The following CYP2C19 variants were observed in gnomAD, a reference collection of about 807,000 sequenced individuals.
The protein encoded by CYP2C19 is cytochrome P450 family 2 subfamily C member 19.
CYP2C19 carries 59 observed loss-of-function variants against 40.9 expected under a neutral mutation model. The ratio of observed to expected loss-of-function variants is 1.44; its 90% CI spans 1.17 to 1.79. The LOEUF (loss-of-function observed/expected upper bound fraction) is 1.79, where lower values mean the gene tolerates loss of function less well. Among genes scored for constraint, CYP2C19 ranks in the 40% most tolerant of loss-of-function variants. The pLI is 0.00. For synonymous variants in CYP2C19, 253 were observed against 208.7 expected, an observed-to-expected ratio of 1.21 and a Z score of -1.83; for missense variants, 754 against 596.9, an observed-to-expected ratio of 1.26 and a Z score of -2.74.
chr10:94,827,609 A>ACT (rs1849250496), intron 6 of CYP2C19, among the ~76,000 whole-genome samples: 1 of 152,164 alleles, frequency 6.6e-6, no homozygotes, highest in African/African-American at 2.4e-5. Flanking sequence ...CTTTCAAAAA[A>ACT]ACCAGCTCCT....
chr10:94,832,205 T>G (rs571540334), intron 6 of CYP2C19, among the ~76,000 whole-genome samples: 3 of 152,232 alleles, frequency 2.0e-5, no homozygotes, highest in Admixed American at 1.3e-4. Flanking sequence ...TAGTCTGTTC[T>G]TATGCTTCTA....
intron 6 of CYP2C19, among the ~76,000 whole-genome samples, chr10:94,826,670 C>T (rs577031974): frequency 1.2e-4 from 18 of 152,240 alleles, no homozygotes; most frequent in Admixed American, 8.5e-4. Flanking sequence ...TGCCTAATTG[C>T]CCTGGCCAGA....
At chr10:94,805,673 C>A (rs535185700) in intron 5 of CYP2C19, among the ~76,000 whole-genome samples, 22 of 152,274 alleles carry the variant, frequency 1.4e-4, no homozygotes, top group African/African-American at 4.6e-4. Flanking sequence ...TTCATGAGCT[C>A]AGGAGTTTGA....
At chr10:94,843,795 A>T (rs1849529274) in intron 7 of CYP2C19, among the ~76,000 whole-genome samples, 1 of 151,966 alleles carries the variant, frequency 6.6e-6, no homozygotes, top group Non-Finnish European at 1.5e-5. Context: ...TTTCTAGGAG[A>T]GTGTTGAATA....
chr10:94,821,265 G>A (rs1039172344), intron 6 of CYP2C19, among the ~76,000 whole-genome samples: 3 of 152,090 alleles, frequency 2.0e-5, no homozygotes, highest in African/African-American at 4.8e-5. Flanking sequence ...AGTTGGCCTG[G>A]GATTGCATGT....
chr10:94,765,031 G>A (rs1251820405), intron 1 of CYP2C19, among the ~76,000 whole-genome samples: 1 of 152,120 alleles, frequency 6.6e-6, no homozygotes, highest in Non-Finnish European at 1.5e-5. Context: ...GCAGTGAGGA[G>A]GTCTAGTCCT....
At position 94,773,272 on chromosome 10, in the gene CYP2C19, C is replaced by A. The variant is rs186802210; in HGVS notation, c.169-1786C>A. Among the ~76,000 whole-genome samples the A allele has an allele frequency of 3.3e-5, 5 of 152,294 alleles. No homozygotes were observed. The East Asian group carries it at 9.7e-4, about 29-fold the overall frequency. The stretch of plus-strand genomic sequence containing the variant: ...GGTGGGTTCTTGGTCTCACTGACTT[C>A]AAGAATGAAGCTGCGGACCCACATG... On this transcript the variant is annotated intron_variant, in intron 1 of 8. Coordinates refer to ENST00000371321, the MANE Select transcript of CYP2C19 (RefSeq NM_000769.4).
intron 5 of CYP2C19, among the ~76,000 whole-genome samples, chr10:94,786,727 TTCCATCTTTGTG>T (rs1018577441): frequency 3.8e-4 from 58 of 152,226 alleles, no homozygotes; most frequent in African/African-American, 1.3e-3. Flanking sequence ...TGTGTATTGT[TTCCATCTTTGTG>T]TCCCACTTTT....
chr10:94,844,439 C>A (rs1181141486), intron 7 of CYP2C19, among the ~76,000 whole-genome samples: 1 of 140,042 alleles, frequency 7.1e-6, no homozygotes, highest in African/African-American at 2.4e-5. Context: ...ATCTTGAGAC[C>A]AATTTTTGTC....
intron 5 of CYP2C19, among the ~76,000 whole-genome samples, chr10:94,817,883 GGCAC>G (rs1433283993): frequency 2.0e-5 from 3 of 151,404 alleles, no homozygotes; most frequent in African/African-American, 7.3e-5. Context: ...CGTAGTGGCG[GGCAC>G]CTGTAGTCCC....
chr10:94,847,481 T>A (rs1198421775), intron 7 of CYP2C19, among the ~76,000 whole-genome samples: 1 of 152,240 alleles, frequency 6.6e-6, no homozygotes, highest in African/African-American at 2.4e-5. Context: ...CTATCATTGT[T>A]GGATATTTGG....
rs900714893 is a variant in CYP2C19, at chr10:94,848,751, A to C, written c.1150-1166A>C. ...ATTTGTTTGTATCCTCTTTTATTTC[A>C]TTGAGCAGTGGTTTGTAGTTCTCCT... On this transcript the variant is annotated intron_variant, in intron 7 of 8. Transcript: ENST00000371321. Among the ~76,000 whole-genome samples the C allele has an allele frequency of 5.3e-5, 8 of 152,104 alleles. No individual in the cohort carries two copies. In the East Asian group the frequency reaches 5.8e-4, roughly 11 times the overall value.
intron 5 of CYP2C19, among the ~76,000 whole-genome samples, chr10:94,807,521 G>A (rs1417009236): frequency 6.6e-6 from 1 of 151,954 alleles, no homozygotes; most frequent in Non-Finnish European, 1.5e-5. Context: ...AAGTTTTTGA[G>A]TTCTCTTTCT....
At chr10:94,833,860 A>G (rs1258709774) in intron 6 of CYP2C19, among the ~76,000 whole-genome samples, 1 of 152,134 alleles carries the variant, frequency 6.6e-6, no homozygotes, top group Non-Finnish European at 1.5e-5. Context: ...CCACTTGGTC[A>G]TTGTGAATGA....
intron 5 of CYP2C19, among the ~76,000 whole-genome samples, chr10:94,815,550 C>T (rs190777341): frequency 6.6e-6 from 1 of 152,354 alleles, no homozygotes; most frequent in South Asian, 2.1e-4. Context: ...ATTTTGAGAA[C>T]TCCAGTCTCT....
At chr10:94,812,325 C>T (rs1848939354) in intron 5 of CYP2C19, among the ~76,000 whole-genome samples, 1 of 151,974 alleles carries the variant, frequency 6.6e-6, no homozygotes. Context: ...TTCTTTTAAC[C>T]TTGGTGAATC....
At chr10:94,850,319 C>T (rs1849633904) in intron 8 of CYP2C19, among the ~76,000 whole-genome samples, 1 of 152,112 alleles carries the variant, frequency 6.6e-6, no homozygotes, top group Non-Finnish European at 1.5e-5. Context: ...TCTAGATACA[C>T]CACTGAGGTA....
chr10:94,846,527 A>G (rs933164244), intron 7 of CYP2C19, among the ~76,000 whole-genome samples: 31 of 152,168 alleles, frequency 2.0e-4, no homozygotes, highest in Admixed American at 3.3e-4. Flanking sequence ...AAGACAGAAC[A>G]CCCTGTTTCC....
intron 3 of CYP2C19, among the ~76,000 whole-genome samples, chr10:94,780,098 T>C (rs1361555450): frequency 1.3e-5 from 2 of 152,170 alleles, no homozygotes; most frequent in Non-Finnish European, 2.9e-5. Flanking sequence ...TTTGTTGTAA[T>C]ATAAAAAGCT....
Sources: allele counts gnomAD v4.1 joint callset (sites outside exome capture counted in the v4.1 genomes callset), GRCh38; gene constraint gnomAD v4.1.1; transcripts MANE v1.5; gene names NCBI Gene and HGNC (gene_info 2026-07-23, HGNC 2026-07-21).